Variants in CNBP observed in about 807,000 individuals in gnomAD.
The protein encoded by CNBP is cellular nucleic acid-binding protein.
CNBP carries 6 observed loss-of-function variants against 21.2 expected under a neutral mutation model. That is an observed-to-expected ratio of 0.28 (90% CI 0.16 to 0.56). The LOEUF (loss-of-function observed/expected upper bound fraction) is 0.56. Among genes scored for constraint, CNBP ranks in the 20% least tolerant of loss-of-function variants. The pLI is 0.93. For synonymous variants in CNBP, 61 were observed against 74.9 expected, an observed-to-expected ratio of 0.81 and a Z score of 0.96; for missense variants, 112 against 233.1, an observed-to-expected ratio of 0.48 and a Z score of 3.38.
intron 1 of CNBP, among the ~76,000 whole-genome samples, chr3:129,183,051 A>G (rs1008103530): frequency 6.6e-6 from 1 of 152,052 alleles, no homozygotes; most frequent in Admixed American, 6.6e-5. Context: ...TCCGGGGTTC[A>G]CGCGATTCTC....
At chr3:129,172,646 AG>A in intron 1 of CNBP, among the ~76,000 whole-genome samples, 1 of 109,898 alleles carries the variant, frequency 9.1e-6, no homozygotes, top group Non-Finnish European at 1.9e-5. Flanking sequence ...GCAGGCAGGC[AG>A]GCAGGCAGGC....
chr3:129,175,882 T>C (rs1412660986), intron 1 of CNBP, among the ~76,000 whole-genome samples: 1 of 152,204 alleles, frequency 6.6e-6, no homozygotes, highest in Non-Finnish European at 1.5e-5. Context: ...TTGAGTGGCC[T>C]TAGGTACTAT....
At chr3:129,178,282 A>T (rs1938060118) in intron 1 of CNBP, among the ~76,000 whole-genome samples, 1 of 152,154 alleles carries the variant, frequency 6.6e-6, no homozygotes, top group Non-Finnish European at 1.5e-5. Flanking sequence ...AATTAAAGAA[A>T]CCACAAATGG....
chr3:129,169,928 C>T lies in CNBP; in HGVS notation c.*525G>A, dbSNP rs538353584. On this transcript the variant is annotated 3_prime_UTR_variant, in exon 5 of 5. Coordinates refer to ENST00000422453, the MANE Select transcript of CNBP (RefSeq NM_003418.5). ...TTTAGGCTTTTATTCCGATTTCTCT[C>T]GAACAGCCATTAACACGCATGTTTA... 12 of 231,376 alleles carry T rather than the reference C, an allele frequency of 5.2e-5. No individual in the cohort carries two copies. The South Asian group carries it at 1.6e-3, about 31-fold the overall frequency. 14.3% of individuals were successfully genotyped at this position (231,376 alleles called of 1,614,324 possible).
In CNBP at chr3:129,172,734, T is replaced by A. The variant is rs867362489; in HGVS notation, c.-14-963A>T. Among the ~76,000 whole-genome samples the A allele has an allele frequency of 1.7e-3, 194 of 110,990 alleles. 1 individual carries two copies. The South Asian group carries it at 0.037, about 21-fold the overall frequency. 72.8% of individuals were successfully genotyped at this position (110,990 alleles called of 152,430 possible). A position where few individuals can be genotyped will look rare whatever the true frequency, so the allele number is the denominator to read the frequency against. ...CACACACACACACACACACACACAC[T>A]GGCAGTAATACTCATTCACTCATTC... On this transcript the variant is annotated intron_variant, in intron 1 of 4. Transcript: ENST00000422453.
intron 1 of CNBP, among the ~76,000 whole-genome samples, chr3:129,183,111 C>A (rs1024434261): frequency 6.6e-6 from 1 of 152,034 alleles, no homozygotes; most frequent in Non-Finnish European, 1.5e-5. Context: ...CCACCATGCC[C>A]GGCTAATTTT....
chr3:129,168,137 T>C lies in CNBP; in HGVS notation c.*2316A>G, dbSNP rs1431039224. On this transcript the variant is annotated 3_prime_UTR_variant, in exon 5 of 5. Coordinates refer to ENST00000422453, the MANE Select transcript of CNBP (RefSeq NM_003418.5). ...AGGGGGAAAATGAACTATATGATGC[T>C]AACCGCATTTAATTTCGAAGTGGGG... Among the ~76,000 whole-genome samples the C allele has an allele frequency of 6.6e-6, 1 of 152,152 alleles. No homozygotes were observed. The highest frequency in any genetic ancestry group is 1.5e-5 in the Non-Finnish European group (1 of 68,028).
intron 1 of CNBP, among the ~76,000 whole-genome samples, chr3:129,172,691 G>GACACACACAC (rs1167575619): frequency 4.0e-5 from 3 of 74,658 alleles, no homozygotes; most frequent in Non-Finnish European, 2.8e-5. Flanking sequence ...CAGACAGACA[G>GACACACACAC]ACAGACACAC....
At chr3:129,171,413 G>A (rs761183015) in intron 3 of CNBP, 33 bp downstream of exon 3, 1 of 1,602,092 alleles carries the variant, frequency 6.2e-7, no homozygotes. Flanking sequence ...CCAAGCTCTA[G>A]AGGGGTATGA....
chr3:129,179,914 G>C (rs1938176212), intron 1 of CNBP, among the ~76,000 whole-genome samples: 1 of 152,164 alleles, frequency 6.6e-6, no homozygotes, highest in Non-Finnish European at 1.5e-5. Context: ...GCTGAGGCAG[G>C]AGAATGGCTT....
At chr3:129,176,895 A>C (rs549908239) in intron 1 of CNBP, among the ~76,000 whole-genome samples, 5 of 152,318 alleles carry the variant, frequency 3.3e-5, no homozygotes, top group Admixed American at 6.5e-5. Flanking sequence ...ATAATAAAGC[A>C]AATACTAGAA....
At chr3:129,172,683 G>GACAC (rs1312209322) in intron 1 of CNBP, among the ~76,000 whole-genome samples, 3 of 95,928 alleles carry the variant, frequency 3.1e-5, no homozygotes, top group South Asian at 7.1e-4. Context: ...CAGACAGACA[G>GACAC]ACAGACAGAC....
At chr3:129,180,757 C>G (rs368969306) in intron 1 of CNBP, among the ~76,000 whole-genome samples, 1 of 148,960 alleles carries the variant, frequency 6.7e-6, no homozygotes, top group South Asian at 2.1e-4. Flanking sequence ...GAAAAAGGAA[C>G]CAATCTTTTT....
chr3:129,178,176 A>AT (rs1288402662), intron 1 of CNBP, among the ~76,000 whole-genome samples: 2 of 151,426 alleles, frequency 1.3e-5, no homozygotes, highest in Admixed American at 1.3e-4. Flanking sequence ...AAAAAAAAAA[A>AT]AAATAAGGTC....
chr3:129,172,685 CAG>C (rs751125864), intron 1 of CNBP, among the ~76,000 whole-genome samples: 4,016 of 112,562 alleles, frequency 0.036, 80 homozygotes, highest in East Asian at 0.066. Flanking sequence ...GACAGACAGA[CAG>C]ACAGACAGAC....
chr3:129,176,804 A>C (rs1937935421), intron 1 of CNBP, among the ~76,000 whole-genome samples: 1 of 152,220 alleles, frequency 6.6e-6, no homozygotes, highest in South Asian at 2.1e-4. Flanking sequence ...CACTCAAAGG[A>C]CATTCCCAAT....
chr3:129,180,428 A>G (rs1277621010), intron 1 of CNBP, among the ~76,000 whole-genome samples: 1 of 152,198 alleles, frequency 6.6e-6, no homozygotes, highest in East Asian at 1.9e-4. Context: ...TTAACACCTC[A>G]TTTGTATTTA....
chr3:129,170,354 G>A lies in CNBP; in HGVS notation c.*99C>T. 5 of 974,024 alleles carry A rather than the reference G, an allele frequency of 5.1e-6. No individual in the cohort carries two copies. Among genetic ancestry groups the A allele is most frequent in the Non-Finnish European group, 6.6e-6 (4 of 607,102 alleles). The allele number at this position is 974,024 out of a possible 1,614,324, so 60.3% of individuals were successfully genotyped here. On this transcript the variant is annotated 3_prime_UTR_variant, in exon 5 of 5. Coordinates refer to ENST00000422453, the MANE Select transcript of CNBP (RefSeq NM_003418.5). ...ACGGCAAGTAAAGCTCACTGGCCTGGGAGTTGCCTCTATCTGCCAACCTTT... is the reference window on the plus strand; with the variant it reads ...ACGGCAAGTAAAGCTCACTGGCCTGAGAGTTGCCTCTATCTGCCAACCTTT...
chr3:129,180,107 G>A (rs1324171566), intron 1 of CNBP, among the ~76,000 whole-genome samples: 1 of 151,364 alleles, frequency 6.6e-6, no homozygotes, highest in East Asian at 1.9e-4. Flanking sequence ...TTTTAAGGTA[G>A]GGAATTATAC....
Sources: allele counts gnomAD v4.1 joint callset (sites outside exome capture counted in the v4.1 genomes callset), GRCh38; gene constraint gnomAD v4.1.1; transcripts MANE v1.5; gene names NCBI Gene and HGNC (gene_info 2026-07-23, HGNC 2026-07-21).